The following BMPR2 variants were observed in gnomAD, a reference collection of about 807,000 sequenced individuals.
The protein encoded by BMPR2 is bone morphogenetic protein receptor type 2.
A neutral mutation model predicts 100.8 loss-of-function variants in BMPR2; 29 were observed. The observed-to-expected ratio is 0.29, with a 90% confidence interval of 0.21 to 0.39. The LOEUF is 0.39. BMPR2 is among the 10% of genes least tolerant of loss of function. BMPR2 has a pLI of 1.00. For synonymous variants in BMPR2, 382 were observed against 442.3 expected (o/e 0.86, Z 1.71); for missense variants, 1,011 against 1,274.5 (o/e 0.79, Z 3.15).
At chr2:202,529,461 A>G (rs1166757686) in intron 7 of BMPR2, among the ~76,000 whole-genome samples, 1 of 152,204 alleles carries the variant, frequency 6.6e-6, no homozygotes, top group African/African-American at 2.4e-5. Context: ...TTATATAAAT[A>G]TATTCCAATG....
chr2:202,509,986 C>T (rs1687590650), intron 3 of BMPR2, among the ~76,000 whole-genome samples: 1 of 151,526 alleles, frequency 6.6e-6, no homozygotes, highest in Admixed American at 6.7e-5. Flanking sequence ...ACAAGATAAT[C>T]TTTATTAACT....
chr2:202,515,233 G>A (rs910057962), intron 5 of BMPR2, among the ~76,000 whole-genome samples: 16 of 152,062 alleles, frequency 1.1e-4, no homozygotes, highest in African/African-American at 3.9e-4. Context: ...TAAGTGCTAT[G>A]AAGAAAAGTA....
At position 202,518,909 on chromosome 2, in the gene BMPR2, C is replaced by T. The variant is rs200339485; in HGVS notation, c.709C>T (p.Arg237Cys). The part of the protein sequence containing the change: ...VAVKVFSFAN[R>C]QNFINEKNIY... ...TGTAAAAGTGTTTTCCTTTGCAAAC[C>T]GTCAGAATTTTATCAACGAAAAGAA... Residue 237 changes from arginine to cysteine, a missense_variant, in exon 6 of 13, where the codon CGT becomes TGT. Transcript: ENST00000374580. The T allele has an allele frequency of 6.2e-7, 1 of 1,614,144 alleles. No individual in the cohort carries two copies. The highest frequency in any genetic ancestry group is 1.3e-5 in the African/African-American group (1 of 75,026).
rs1167551923 is a variant in BMPR2 at position 202,526,305 on chromosome 2, A to G, written c.968-4489A>G. 5.9e-5 allele frequency among the ~76,000 whole-genome samples: 9 copies of G among 152,188 alleles called. No individual in the cohort carries two copies. The East Asian group carries it at 1.7e-3, about 29-fold the overall frequency. ...TCATCCCTTGCTACATTTCCTTGTC[A>G]TATTATAGCCCTGACATTATTTTTT... On this transcript the variant is annotated intron_variant, in intron 7 of 12. Coordinates refer to ENST00000374580, the MANE Select transcript of BMPR2 (RefSeq NM_001204.7).
At chr2:202,553,513 G>A (rs907451052) in intron 11 of BMPR2, among the ~76,000 whole-genome samples, 1 of 151,930 alleles carries the variant, frequency 6.6e-6, no homozygotes, top group Non-Finnish European at 1.5e-5. Flanking sequence ...TTCTACATCT[G>A]TATTTCTTTT....
At chr2:202,381,641 A>G (rs1690295479) in intron 1 of BMPR2, among the ~76,000 whole-genome samples, 1 of 152,172 alleles carries the variant, frequency 6.6e-6, no homozygotes, top group Non-Finnish European at 1.5e-5. Flanking sequence ...GAAGAATTGA[A>G]ATTCTCAGTA....
intron 1 of BMPR2, among the ~76,000 whole-genome samples, chr2:202,418,327 T>C (rs1691180345): frequency 6.6e-6 from 1 of 152,246 alleles, no homozygotes; most frequent in Admixed American, 6.5e-5. Context: ...AAAATCTCTT[T>C]TTAGATGACA....
Position 202,563,065 on chromosome 2 carries a change from C to G in BMPR2, c.*3119C>G, listed in dbSNP as rs756464202. 2.0e-5 allele frequency: 3 copies of G among 152,186 alleles called. No homozygotes were observed. The highest frequency in any genetic ancestry group is 4.4e-5 in the Non-Finnish European group (3 of 68,036). The allele number at this position is 152,186 out of a possible 1,614,324, so 9.4% of individuals were successfully genotyped here. A position where few individuals can be genotyped will look rare whatever the true frequency, so the allele number is the denominator to read the frequency against. On this transcript the variant is annotated 3_prime_UTR_variant, in exon 13 of 13. Transcript: ENST00000374580. ...CTGGGATTTCAGTCTATGTCTGCCTCTCTCCACATCTCTTTCATCCATACC... is the reference window on the plus strand; with the variant it reads ...CTGGGATTTCAGTCTATGTCTGCCTGTCTCCACATCTCTTTCATCCATACC...
intron 10 of BMPR2, among the ~76,000 whole-genome samples, chr2:202,547,849 C>T (rs923619680): frequency 4.0e-5 from 6 of 149,362 alleles, no homozygotes; most frequent in African/African-American, 7.4e-5. Flanking sequence ...TTTGGGAGGC[C>T]GAGGTGGGTG....
Position 202,376,755 on chromosome 2 carries a change from G to GCCGCGA in BMPR2, c.-711_-706dup, listed in dbSNP as rs1391114092. Among the ~76,000 whole-genome samples the GCCGCGA allele has an allele frequency of 1.3e-5, 2 of 150,416 alleles. No homozygotes were observed. The highest frequency in any genetic ancestry group is 2.4e-5 in the African/African-American group (1 of 40,948). ...GCCGTCTCGGGGAGCCCGGACCGGG[G>GCCGCGA]CCGCGACCGCGACCCCTCCCCTCCC... On this transcript the variant is annotated 5_prime_UTR_variant, in exon 1 of 13. Transcript: ENST00000374580.
intron 10 of BMPR2, 39 bp from the exon 11 acceptor site, chr2:202,552,677 T>G: frequency 1.2e-6 from 2 of 1,612,420 alleles, no homozygotes; most frequent in East Asian, 4.5e-5. Context: ...CATTTTTTTT[T>G]TTAAAGACAC....
intron 1 of BMPR2, among the ~76,000 whole-genome samples, chr2:202,430,276 G>T (rs1019252801): frequency 1.3e-5 from 2 of 152,158 alleles, no homozygotes; most frequent in Admixed American, 6.5e-5. Flanking sequence ...AATTTTGGGG[G>T]AACACAGTTC....
In BMPR2 at chr2:202,565,666, T is replaced by C. The variant is rs1409828034; in HGVS notation, c.*5720T>C. 1 of 152,618 alleles carries C rather than the reference T, an allele frequency of 6.6e-6. No homozygotes were observed. Among genetic ancestry groups the C allele is most frequent in the African/African-American group, 2.4e-5 (1 of 41,468 alleles). 9.5% of individuals were successfully genotyped at this position (152,618 alleles called of 1,614,324 possible). On this transcript the variant is annotated 3_prime_UTR_variant, in exon 13 of 13. Transcript: ENST00000374580. ...CACAACCTTTTACATATTTTTTGTA[T>C]GAAATATTAAACACTAAATGCAAGA...
intron 1 of BMPR2, among the ~76,000 whole-genome samples, chr2:202,429,725 T>TA (rs1348966382): frequency 6.6e-6 from 1 of 152,074 alleles, no homozygotes; most frequent in Non-Finnish European, 1.5e-5. Flanking sequence ...TCAGGAAACT[T>TA]ACAATCGTGG....
At position 202,555,912 on chromosome 2, in the gene BMPR2, G is replaced by A. The variant is rs1688561155; in HGVS notation, c.2247G>A (p.Gln749=). ...PTQIYPLPKQ[Q]NLPKRPTSLP... ...AGATCTATCCTCTCCCCAAGCAGCA[G>A]AACCTTCCCAAGAGACCTACTAGTT... The change falls in exon 12 of 13, where the codon CAG becomes CAA. Residue 749 remains glutamine, a synonymous_variant. Transcript: ENST00000374580. 1 of 1,614,006 alleles carries A rather than the reference G, an allele frequency of 6.2e-7. No individual in the cohort carries two copies. The highest frequency in any genetic ancestry group is 1.3e-5 in the African/African-American group (1 of 74,898).
In BMPR2 at chr2:202,501,554, G is replaced by T. The variant is rs977844553; in HGVS notation, c.419-12165G>T. Among the ~76,000 whole-genome samples, 6 of 152,216 alleles carry T rather than the reference G, an allele frequency of 3.9e-5. No individual in the cohort carries two copies. The South Asian group carries it at 1.2e-3, about 32-fold the overall frequency. On this transcript the variant is annotated intron_variant, in intron 3 of 12. Transcript: ENST00000374580. The stretch of plus-strand genomic sequence containing the variant: ...TCGTGGGACAATCCCACAACCAGTG[G>T]CATACCTAAGTAAGGAAATTGATGT...
intron 3 of BMPR2, among the ~76,000 whole-genome samples, chr2:202,483,946 T>TA (rs767514699): frequency 6.6e-6 from 1 of 152,090 alleles, no homozygotes; most frequent in Non-Finnish European, 1.5e-5. Flanking sequence ...AAAGAAAAGT[T>TA]AGCTGGGCAT....
chr2:202,418,759 T>G (rs58275216), intron 1 of BMPR2, among the ~76,000 whole-genome samples: 1 of 152,164 alleles, frequency 6.6e-6, no homozygotes, highest in African/African-American at 2.4e-5. Flanking sequence ...TGAAGCTTCC[T>G]TGTAGCAGGC....
chr2:202,396,795 A>AT (rs1356984637), intron 1 of BMPR2, among the ~76,000 whole-genome samples: 41 of 40,426 alleles, frequency 1.0e-3, no homozygotes, highest in Non-Finnish European at 1.6e-3. Flanking sequence ...GCAAGAAACT[A>AT]TTTTTTTTTT....
Sources: allele counts gnomAD v4.1 joint callset (sites outside exome capture counted in the v4.1 genomes callset), GRCh38; gene constraint gnomAD v4.1.1; transcripts MANE v1.5; gene names NCBI Gene and HGNC (gene_info 2026-07-23, HGNC 2026-07-21).